TBC1D14: variants seen among roughly 807,000 people sequenced by gnomAD.
The protein encoded by TBC1D14 is TBC1 domain family member 14, also known as TBC1 domain family, member 14.
In TBC1D14, 26 loss-of-function variants were observed where a neutral mutation model predicts 79.0. The ratio of observed to expected loss-of-function variants is 0.33; its 90% CI spans 0.24 to 0.46. The LOEUF is 0.46. Ranked by LOEUF, TBC1D14 falls within the 20% of genes least tolerant of loss-of-function variation. TBC1D14 has a pLI of 1.00. For synonymous variants in TBC1D14, 394 were observed against 349.9 expected, an observed-to-expected ratio of 1.13 and a Z score of -1.40; for missense variants, 769 against 887.6, an observed-to-expected ratio of 0.87 and a Z score of 1.70.
rs150031954 is a variant in TBC1D14 at position 6,926,319 on chromosome 4, C to T, written c.722+2208C>T. Among the ~76,000 whole-genome samples the T allele has an allele frequency of 6.4e-3, 968 of 152,282 alleles. 7 individuals carry two copies. The highest frequency in any genetic ancestry group is 0.061 in the Middle Eastern group (18 of 294). The stretch of plus-strand genomic sequence containing the variant: ...GAGTTGCTTGTGGCGATCATGGCCA[C>T]GTTGCTCTTTCTGCCGCCGTTGTGA... On this transcript the variant is annotated intron_variant, in intron 2 of 13. Transcript: ENST00000409757.
chr4:6,937,903 C>T (rs1167149734), intron 2 of TBC1D14, among the ~76,000 whole-genome samples: 1 of 152,058 alleles, frequency 6.6e-6, no homozygotes, highest in Non-Finnish European at 1.5e-5. Flanking sequence ...GGGAGTGGAA[C>T]CTGCAGGGTC....
intron 2 of TBC1D14, among the ~76,000 whole-genome samples, chr4:6,956,305 C>T (rs796725233): frequency 1.1e-4 from 17 of 152,272 alleles, no homozygotes; most frequent in African/African-American, 4.1e-4. Context: ...GCAGGACAGA[C>T]CACCCCTGGC....
intron 2 of TBC1D14, among the ~76,000 whole-genome samples, chr4:6,951,855 T>C (rs1577076041): frequency 6.6e-6 from 1 of 152,172 alleles, no homozygotes; most frequent in East Asian, 1.9e-4. Flanking sequence ...CTTAATTTTG[T>C]TGTTGTTGTT....
rs1431849936 is a variant in TBC1D14, at chr4:7,025,038, G to C, written c.1792G>C (p.Asp598His). The C allele has an allele frequency of 6.2e-7, 1 of 1,613,956 alleles. No individual in the cohort carries two copies. The highest frequency in any genetic ancestry group is 8.5e-7 in the Non-Finnish European group (1 of 1,180,036). The change falls in exon 13 of 14, where the codon GAC becomes CAC. Residue 598 changes from aspartate (D) to histidine (H), a missense_variant. Around this residue, in one of 2 missense-constraint regions of TBC1D14, gnomAD observed 367 missense variants for 494.4 expected, o/e 0.74. Coordinates refer to ENST00000409757, the MANE Select transcript of TBC1D14 (RefSeq NM_020773.3). ...FTLYSKSLPL[D>H]LACRIWDVFC... ...CTTATATAGTAAATCTCTGCCCCTC[G>C]ACCTGGCCTGTCGTATCTGGGACGT...
intron 3 of TBC1D14, among the ~76,000 whole-genome samples, chr4:6,985,669 G>T (rs1163648431): frequency 6.6e-6 from 1 of 151,426 alleles, no homozygotes; most frequent in Non-Finnish European, 1.5e-5. Flanking sequence ...ACAGTATCGG[G>T]GCTTGAATGG....
At chr4:6,952,808 T>C (rs566824557) in intron 2 of TBC1D14, among the ~76,000 whole-genome samples, 1 of 152,056 alleles carries the variant, frequency 6.6e-6, no homozygotes, top group South Asian at 2.1e-4. Context: ...CAACCCATAG[T>C]GCATGCTGGT....
chr4:6,962,019 G>C (rs1715252888), intron 2 of TBC1D14, among the ~76,000 whole-genome samples: 1 of 152,224 alleles, frequency 6.6e-6, no homozygotes, highest in African/African-American at 2.4e-5. Context: ...CTGAGCCAAG[G>C]CTGATCGATG....
intron 2 of TBC1D14, among the ~76,000 whole-genome samples, chr4:6,958,543 C>T (rs1038678961): frequency 7.2e-5 from 11 of 152,152 alleles, no homozygotes; most frequent in Admixed American, 6.5e-4. Flanking sequence ...ATTCCCCCCA[C>T]TTCAGCCTCC....
chr4:6,979,757 C>A (rs914423293), intron 3 of TBC1D14, among the ~76,000 whole-genome samples: 1 of 151,956 alleles, frequency 6.6e-6, no homozygotes, highest in African/African-American at 2.4e-5. Flanking sequence ...TAAGATAAGT[C>A]TATTAATATA....
At chr4:7,010,078 G>A in intron 10 of TBC1D14, 130 bp downstream of exon 10, 1 of 1,002,772 alleles carries the variant, frequency 1.0e-6, no homozygotes, top group South Asian at 1.4e-5. Context: ...AAAGTCTCGT[G>A]GTAAGTGAGT....
chr4:6,925,381 C>T (rs1036845899), intron 2 of TBC1D14, among the ~76,000 whole-genome samples: 1 of 152,140 alleles, frequency 6.6e-6, no homozygotes, highest in East Asian at 1.9e-4. Flanking sequence ...CCTGGCTGCC[C>T]CGTGTGTGTG....
chr4:7,006,999 C>G (rs911404837), intron 9 of TBC1D14, among the ~76,000 whole-genome samples: 1 of 152,160 alleles, frequency 6.6e-6, no homozygotes, highest in African/African-American at 2.4e-5. Context: ...TAGGTCTGGT[C>G]TGAGAGGGTC....
Position 6,956,820 on chromosome 4 carries a change from G to C in TBC1D14, c.723-10484G>C, listed in dbSNP as rs563729370. On this transcript the variant is annotated intron_variant, in intron 2 of 13. Transcript: ENST00000409757. ...GGGAAGGAGCACTGGGTCTGTGGCC[G>C]GGCTCAGGTGTGGGGGCCTTCTCAC... Among the ~76,000 whole-genome samples, 371 of 152,348 alleles carry C rather than the reference G, an allele frequency of 2.4e-3. 1 individual carries two copies. The highest frequency in any genetic ancestry group is 8.4e-3 in the African/African-American group (350 of 41,590).
At chr4:6,986,180 G>GTT (rs1399201421) in intron 3 of TBC1D14, among the ~76,000 whole-genome samples, 1 of 152,180 alleles carries the variant, frequency 6.6e-6, no homozygotes, top group South Asian at 2.1e-4. Context: ...CTGGCCTAGC[G>GTT]TTTTTGAGGT....
chr4:6,956,197 G>T (rs1241177166), intron 2 of TBC1D14, among the ~76,000 whole-genome samples: 1 of 152,110 alleles, frequency 6.6e-6, no homozygotes, highest in Non-Finnish European at 1.5e-5. Context: ...AACTGTGTAA[G>T]CTCCAAGGCC....
chr4:6,954,443 G>C (rs767903048), intron 2 of TBC1D14: 2 of 713,554 alleles, frequency 2.8e-6, no homozygotes, highest in East Asian at 5.4e-5. Context: ...CGTCGGCCTT[G>C]GTTGGGCTGA....
intron 12 of TBC1D14, among the ~76,000 whole-genome samples, chr4:7,022,447 G>A (rs1721922213): frequency 6.6e-6 from 1 of 152,226 alleles, no homozygotes; most frequent in Non-Finnish European, 1.5e-5. Flanking sequence ...ATGAAGGAGG[G>A]TGCGTGCAGT....
chr4:6,914,964 G>A (rs535329697), intron 1 of TBC1D14, among the ~76,000 whole-genome samples: 83 of 152,254 alleles, frequency 5.5e-4, no homozygotes, highest in Admixed American at 1.4e-3. Context: ...GCTTGAACCC[G>A]GGAGGCGGAG....
intron 5 of TBC1D14, among the ~76,000 whole-genome samples, chr4:6,997,902 T>A (rs546388166): frequency 2.0e-5 from 3 of 152,086 alleles, no homozygotes; most frequent in Non-Finnish European, 2.9e-5. Flanking sequence ...TGGGGGCAGT[T>A]TGATTTGGGA....
Sources: allele counts gnomAD v4.1 joint callset (sites outside exome capture counted in the v4.1 genomes callset), GRCh38; gene constraint gnomAD v4.1.1; regional missense constraint gnomAD v4.1.1; transcripts MANE v1.5; gene names NCBI Gene and HGNC (gene_info 2026-07-23, HGNC 2026-07-21).